Variants in KCND2 observed in about 807,000 individuals in gnomAD.
KCND2 encodes the protein A-type voltage-gated potassium channel KCND2.
In KCND2, 16 loss-of-function variants were observed where a neutral mutation model predicts 54.4. The ratio of observed to expected loss-of-function variants is 0.29; its 90% CI spans 0.20 to 0.45. The LOEUF (loss-of-function observed/expected upper bound fraction) is 0.45, where lower values mean the gene tolerates loss of function less well. Among genes scored for constraint, KCND2 ranks in the 20% least tolerant of loss-of-function variants. The pLI is 1.00. For synonymous variants in KCND2, 317 were observed against 310.7 expected (o/e 1.02, Z -0.21); for missense variants, 486 against 824.2 (o/e 0.59, Z 5.02).
intron 1 of KCND2, among the ~76,000 whole-genome samples, chr7:120,508,327 T>C (rs1803059410): frequency 6.6e-6 from 1 of 151,884 alleles, no homozygotes; most frequent in Admixed American, 6.6e-5. Context: ...TATCTGGGAG[T>C]TGAAATTTCC....
At chr7:120,622,083 A>G (rs534145861) in intron 1 of KCND2, among the ~76,000 whole-genome samples, 2 of 152,184 alleles carry the variant, frequency 1.3e-5, no homozygotes, top group African/African-American at 2.4e-5. Context: ...AAGTCTTACA[A>G]TATACTCTAT....
chr7:120,612,080 C>G (rs1792963155), intron 1 of KCND2, among the ~76,000 whole-genome samples: 1 of 152,166 alleles, frequency 6.6e-6, no homozygotes, highest in Non-Finnish European at 1.5e-5. Context: ...AACATTTAAC[C>G]AATAGCACTC....
Position 120,274,659 on chromosome 7 carries a change from G to T in KCND2, c.27G>T (p.Leu9=), listed in dbSNP as rs753709368. Residue 9 remains leucine (L), a synonymous_variant, in exon 1 of 6, where the codon CTG becomes CTT. Coordinates refer to ENST00000331113, the MANE Select transcript of KCND2 (RefSeq NM_012281.3). ...TGGCGGCGGGGGTGGCAGCGTGGCT[G>T]CCTTTTGCAAGGGCAGCGGCTATCG... The part of the protein sequence containing the change: MAAGVAAW[L]PFARAAAIGW... The T allele has an allele frequency of 8.1e-6, 13 of 1,613,892 alleles. No homozygotes were observed. Among genetic ancestry groups the T allele is most frequent in the Middle Eastern group, 1.6e-4 (1 of 6,084 alleles).
intron 1 of KCND2, among the ~76,000 whole-genome samples, chr7:120,665,848 A>C (rs1212877665): frequency 6.6e-6 from 1 of 152,058 alleles, no homozygotes; most frequent in Non-Finnish European, 1.5e-5. Flanking sequence ...GTAATTCATA[A>C]ACATGCACAC....
chr7:120,352,883 T>C (rs1473489331), intron 1 of KCND2, among the ~76,000 whole-genome samples: 2 of 152,084 alleles, frequency 1.3e-5, no homozygotes, highest in Admixed American at 1.3e-4. Flanking sequence ...ATTTCAGATA[T>C]TGAAATAAGT....
intron 1 of KCND2, among the ~76,000 whole-genome samples, chr7:120,323,087 A>G (rs1313968937): frequency 1.3e-5 from 2 of 151,942 alleles, no homozygotes; most frequent in Non-Finnish European, 2.9e-5. Flanking sequence ...CTATCAACCC[A>G]TCATCTAGGT....
chr7:120,497,865 G>A (rs1802873246), intron 1 of KCND2, among the ~76,000 whole-genome samples: 1 of 152,156 alleles, frequency 6.6e-6, no homozygotes, highest in Admixed American at 6.5e-5. Context: ...TATGTACTCA[G>A]GCAAAACTCA....
chr7:120,490,481 T>C (rs1802764134), intron 1 of KCND2, among the ~76,000 whole-genome samples: 1 of 152,158 alleles, frequency 6.6e-6, no homozygotes, highest in Non-Finnish European at 1.5e-5. Flanking sequence ...CTGTTTTTGT[T>C]TTTGTTTTGT....
chr7:120,610,622 G>T (rs536812767), intron 1 of KCND2, among the ~76,000 whole-genome samples: 62 of 152,152 alleles, frequency 4.1e-4, no homozygotes, highest in African/African-American at 1.2e-3. Context: ...CTTGTACAAG[G>T]TCCTAGAGGA....
At chr7:120,552,947 G>A (rs1792120011) in intron 1 of KCND2, among the ~76,000 whole-genome samples, 1 of 152,122 alleles carries the variant, frequency 6.6e-6, no homozygotes, top group African/African-American at 2.4e-5. Context: ...TATTCAACAT[G>A]CACAATGCGA....
intron 1 of KCND2, among the ~76,000 whole-genome samples, chr7:120,465,972 A>G (rs920541536): frequency 1.3e-5 from 2 of 152,086 alleles, no homozygotes; most frequent in East Asian, 3.9e-4. Flanking sequence ...GATCCACTAG[A>G]GAAGGATTTC....
At chr7:120,727,376 C>G (rs962128156) in intron 1 of KCND2, among the ~76,000 whole-genome samples, 2 of 152,096 alleles carry the variant, frequency 1.3e-5, no homozygotes, top group Non-Finnish European at 2.9e-5. Context: ...TATTTTCAAC[C>G]TATCAATATT....
At chr7:120,704,035 T>C (rs1277653707) in intron 1 of KCND2, among the ~76,000 whole-genome samples, 1 of 152,210 alleles carries the variant, frequency 6.6e-6, no homozygotes, top group Non-Finnish European at 1.5e-5. Flanking sequence ...GAGCTTTTAC[T>C]ATGTGCCAAG....
chr7:120,370,335 G>T (rs1800748119), intron 1 of KCND2, among the ~76,000 whole-genome samples: 1 of 151,986 alleles, frequency 6.6e-6, no homozygotes, highest in Non-Finnish European at 1.5e-5. Flanking sequence ...ATTGGCTGAT[G>T]TTCTTACACT....
At chr7:120,331,231 CTTAAA>C (rs1304311722) in intron 1 of KCND2, among the ~76,000 whole-genome samples, 2 of 151,938 alleles carry the variant, frequency 1.3e-5, no homozygotes, top group African/African-American at 4.8e-5. Context: ...TTGCCCAGAA[CTTAAA>C]TTAAAAGAAA....
intron 1 of KCND2, among the ~76,000 whole-genome samples, chr7:120,470,241 C>A (rs529790780): frequency 1.3e-5 from 2 of 152,028 alleles, no homozygotes; most frequent in African/African-American, 4.8e-5. Flanking sequence ...TACCACTAGA[C>A]GCTGTAACTA....
intron 1 of KCND2, among the ~76,000 whole-genome samples, chr7:120,384,677 A>G (rs1800962785): frequency 6.6e-6 from 1 of 152,206 alleles, no homozygotes; most frequent in Non-Finnish European, 1.5e-5. Flanking sequence ...GAAGATATCA[A>G]ACAAAATATA....
chr7:120,625,787 A>T (rs999750329), intron 1 of KCND2, among the ~76,000 whole-genome samples: 1 of 152,106 alleles, frequency 6.6e-6, no homozygotes, highest in African/African-American at 2.4e-5. Context: ...AGACAAAAAG[A>T]ACAATAATAA....
intron 1 of KCND2, among the ~76,000 whole-genome samples, chr7:120,452,168 G>A (rs1486982062): frequency 4.6e-5 from 7 of 152,146 alleles, no homozygotes; most frequent in South Asian, 4.1e-4. Context: ...GCTATCAAGC[G>A]TAGTGACTTA....
Sources: allele counts gnomAD v4.1 joint callset (sites outside exome capture counted in the v4.1 genomes callset), GRCh38; gene constraint gnomAD v4.1.1; transcripts MANE v1.5; gene names NCBI Gene and HGNC (gene_info 2026-07-23, HGNC 2026-07-21).